NCAM1: variants seen among roughly 807,000 people sequenced by gnomAD.
NCAM1 encodes the protein neural cell adhesion molecule 1.
NCAM1 carries 14 observed loss-of-function variants against 109.8 expected under a neutral mutation model. That is an observed-to-expected ratio of 0.13 (90% CI 0.08 to 0.20). The LOEUF is 0.20. Among genes scored for constraint, NCAM1 ranks in the 10% least tolerant of loss-of-function variants. NCAM1 has a pLI of 1.00. For missense variants in NCAM1, 774 were observed against 1,109.9 expected (o/e 0.70, Z 4.30); for synonymous variants, 418 against 442.9 (o/e 0.94, Z 0.70).
At chr11:113,240,783 C>G in intron 14 of NCAM1, 1 of 1,613,294 alleles carries the variant, frequency 6.2e-7, no homozygotes, top group Non-Finnish European at 8.5e-7. Flanking sequence ...TTTCTTTCTT[C>G]AGCGGCATCT....
chr11:113,036,192 C>G (rs1476872418), intron 1 of NCAM1, among the ~76,000 whole-genome samples: 1 of 152,130 alleles, frequency 6.6e-6, no homozygotes, highest in African/African-American at 2.4e-5. Flanking sequence ...AACATCACCT[C>G]TGGTTTGGAA....
rs148212106 is a variant in NCAM1, at chr11:113,012,394, T to C, written c.52+50730T>C. Among the ~76,000 whole-genome samples, 206 of 152,278 alleles carry C rather than the reference T, an allele frequency of 1.4e-3. 4 individuals carry two copies. Among genetic ancestry groups the C allele is most frequent in the African/African-American group, 4.7e-3 (197 of 41,556 alleles). On this transcript the variant is annotated intron_variant, in intron 1 of 19. Coordinates refer to ENST00000316851, the MANE Select transcript of NCAM1 (RefSeq NM_181351.5). ...ATATAGGTTGTACACTAGATGCCAG[T>C]ATATCAGTGTTAAATTTCCTGAACT...
chr11:113,205,500 T>G (rs1555112695), intron 3 of NCAM1, 23 bp from the exon 4 acceptor site: 6 of 1,600,412 alleles, frequency 3.7e-6, no homozygotes, highest in Non-Finnish European at 3.4e-6. Context: ...CTGTTTTCCC[T>G]CACTCTTCTG....
intron 15 of NCAM1, among the ~76,000 whole-genome samples, chr11:113,252,430 A>G (rs1279023710): frequency 2.0e-5 from 3 of 150,742 alleles, no homozygotes; most frequent in Non-Finnish European, 3.0e-5. Context: ...AAAAAGTCAT[A>G]GGAAGCATTA....
intron 1 of NCAM1, among the ~76,000 whole-genome samples, chr11:113,103,028 C>A (rs1226453216): frequency 1.3e-5 from 2 of 152,136 alleles, no homozygotes; most frequent in Non-Finnish European, 2.9e-5. Context: ...AGGTGCAGAG[C>A]ATTGCATTCT....
chr11:113,042,884 A>G (rs577644782), intron 1 of NCAM1, among the ~76,000 whole-genome samples: 49 of 152,296 alleles, frequency 3.2e-4, no homozygotes, highest in South Asian at 1.9e-3. Flanking sequence ...CCTGCTCCAG[A>G]AAGTGTCCTT....
At chr11:113,071,521 G>T (rs961103417) in intron 1 of NCAM1, among the ~76,000 whole-genome samples, 41 of 151,348 alleles carry the variant, frequency 2.7e-4, no homozygotes, top group Non-Finnish European at 1.5e-5. Flanking sequence ...CGCCTCCTGG[G>T]TTCACACCAT....
At chr11:113,193,306 T>C (rs1329396380) in intron 1 of NCAM1, among the ~76,000 whole-genome samples, 1 of 152,194 alleles carries the variant, frequency 6.6e-6, no homozygotes, top group Non-Finnish European at 1.5e-5. Flanking sequence ...TGCTCTTGCT[T>C]ATGCTCCCTT....
intron 1 of NCAM1, among the ~76,000 whole-genome samples, chr11:113,061,503 T>C (rs1229064466): frequency 2.0e-5 from 3 of 152,220 alleles, no homozygotes; most frequent in Non-Finnish European, 4.4e-5. Flanking sequence ...GGAGCTTCTT[T>C]GTGGTTTATT....
chr11:113,038,086 G>A (rs1310317186), intron 1 of NCAM1, among the ~76,000 whole-genome samples: 4 of 152,206 alleles, frequency 2.6e-5, no homozygotes, highest in Non-Finnish European at 5.9e-5. Flanking sequence ...TGTGCATCTT[G>A]TCAGTCCCTC....
At chr11:112,988,676 G>T (rs1406254028) in intron 1 of NCAM1, among the ~76,000 whole-genome samples, 1 of 151,074 alleles carries the variant, frequency 6.6e-6, no homozygotes, top group Non-Finnish European at 1.5e-5. Flanking sequence ...CTTTATGGGG[G>T]TTTTCTTGTA....
At chr11:113,018,078 G>A (rs1361327004) in intron 1 of NCAM1, among the ~76,000 whole-genome samples, 2 of 152,140 alleles carry the variant, frequency 1.3e-5, no homozygotes, top group Non-Finnish European at 2.9e-5. Flanking sequence ...CTGAGGTTTA[G>A]ATCTTACTTC....
rs186665777 is a variant in NCAM1 at position 113,171,582 on chromosome 11, C to T, written c.53-30797C>T. 4.6e-5 allele frequency among the ~76,000 whole-genome samples: 7 copies of T among 151,930 alleles called. No individual in the cohort carries two copies. In the East Asian group the frequency reaches 1.2e-3, roughly 25 times the overall value. Reference sequence around the variant, plus strand: ...CTGGGAGGCGGAGGTTGTGGTGAGCCGAGATCATGCCACTGCACTGCAGCC... The same window carrying T: ...CTGGGAGGCGGAGGTTGTGGTGAGCTGAGATCATGCCACTGCACTGCAGCC... On this transcript the variant is annotated intron_variant, in intron 1 of 19. Coordinates refer to ENST00000316851, the MANE Select transcript of NCAM1 (RefSeq NM_181351.5).
chr11:113,086,259 A>T (rs1555088281), intron 1 of NCAM1, among the ~76,000 whole-genome samples: 1 of 152,232 alleles, frequency 6.6e-6, no homozygotes, highest in African/African-American at 2.4e-5. Context: ...TCCTGGCCCC[A>T]GGGAGTCTAG....
At chr11:113,168,594 T>C (rs1435653233) in intron 1 of NCAM1, among the ~76,000 whole-genome samples, 4 of 152,242 alleles carry the variant, frequency 2.6e-5, no homozygotes, top group Non-Finnish European at 5.9e-5. Flanking sequence ...ACCTAGTAAT[T>C]AATGTACTAT....
rs868972799 is a variant in NCAM1, at chr11:113,270,130, G to T, written c.2132-58G>T. On this transcript the variant is annotated intron_variant, in intron 17 of 19. Coordinates refer to ENST00000316851, the MANE Select transcript of NCAM1 (RefSeq NM_181351.5). ...CACCCGCAGGGGCTTTTGCTGGCAG[G>T]GTCTGGAGGTCTCGCATCTCAGTCT... 40 of 1,555,880 alleles carry T rather than the reference G, an allele frequency of 2.6e-5. 1 individual carries two copies. In the Middle Eastern group the frequency reaches 1.9e-3, roughly 75 times the overall value.
chr11:113,076,249 T>C (rs1938521565), intron 1 of NCAM1, among the ~76,000 whole-genome samples: 1 of 152,222 alleles, frequency 6.6e-6, no homozygotes, highest in Non-Finnish European at 1.5e-5. Context: ...CCTTTTCTAC[T>C]TTCTGTGATC....
intron 1 of NCAM1, among the ~76,000 whole-genome samples, chr11:113,012,809 A>G (rs1235614496): frequency 1.3e-5 from 2 of 152,188 alleles, no homozygotes; most frequent in African/African-American, 4.8e-5. Flanking sequence ...ATTTCCAAAT[A>G]AGGTAACATT....
In NCAM1 at chr11:113,224,823, G is replaced by C. The variant is rs1944791500; in HGVS notation, c.1089+3498G>C. Among the ~76,000 whole-genome samples, 4 of 152,166 alleles carry C rather than the reference G, an allele frequency of 2.6e-5. No homozygotes were observed. In the South Asian group the frequency reaches 8.3e-4, roughly 32 times the overall value. ...CCGCTGCTGATACCCAGGCAAACAG[G>C]GTCTGGAGTTGAGCTCTGGCAAACT... On this transcript the variant is annotated intron_variant, in intron 9 of 19. Coordinates refer to ENST00000316851, the MANE Select transcript of NCAM1 (RefSeq NM_181351.5).
Sources: gnomAD v4.1 joint callset for allele counts (sites outside exome capture counted in the v4.1 genomes callset) on GRCh38, gnomAD v4.1.1 for gene constraint, MANE v1.5 for transcripts, NCBI Gene and HGNC (gene_info 2026-07-23, HGNC 2026-07-21) for gene names.